The following DLGAP2 variants were observed in gnomAD, a reference collection of about 807,000 sequenced individuals.
DLGAP2 encodes the protein disks large-associated protein 2.
In DLGAP2, 26 loss-of-function variants were observed where a neutral mutation model predicts 100.3. That is an observed-to-expected ratio of 0.26 (90% CI 0.19 to 0.36). The LOEUF is 0.36. DLGAP2 is among the 10% of genes least tolerant of loss of function. The probability of loss-of-function intolerance (pLI) is 1.00; values close to 1 mark genes in which losing one functional copy is unlikely to be tolerated. For synonymous variants in DLGAP2, 886 were observed against 630.1 expected, an observed-to-expected ratio of 1.41 and a Z score of -6.08; for missense variants, 1,858 against 1,453.2, an observed-to-expected ratio of 1.28 and a Z score of -4.53.
intron 2 of DLGAP2, among the ~76,000 whole-genome samples, chr8:1,073,848 G>A (rs1803508195): frequency 6.6e-6 from 1 of 152,250 alleles, no homozygotes; most frequent in Non-Finnish European, 1.5e-5. Context: ...GAGTCCAGGG[G>A]AGTAAGTTCT....
intron 2 of DLGAP2, among the ~76,000 whole-genome samples, chr8:989,359 T>C (rs113764467): frequency 0.017 from 2,570 of 152,312 alleles, 72 homozygotes; most frequent in African/African-American, 0.059. Flanking sequence ...GGGTTTTTTA[T>C]GCCTGACACC....
intron 2 of DLGAP2, among the ~76,000 whole-genome samples, chr8:1,056,975 C>T (rs1802900249): frequency 6.6e-6 from 1 of 152,204 alleles, no homozygotes; most frequent in Non-Finnish European, 1.5e-5. Flanking sequence ...CTCGAAGAGA[C>T]AGAGACAGAC....
intron 2 of DLGAP2, among the ~76,000 whole-genome samples, chr8:1,097,043 C>T (rs188522140): frequency 2.1e-5 from 3 of 141,566 alleles, no homozygotes; most frequent in East Asian, 2.2e-4. Context: ...AGGCCTTCAC[C>T]CTATGTGGCA....
In DLGAP2 at chr8:1,267,095, G is replaced by C. The variant is rs547964032; in HGVS notation, c.106+8212G>C. On this transcript the variant is annotated intron_variant, in intron 3 of 14. Coordinates refer to ENST00000637795, the MANE Select transcript of DLGAP2 (RefSeq NM_001346810.2). ...TACAAAAACAAAATTAGCCAGGCGT[G>C]GGGGTGGGTGCCTGTAGTCCCAGCT... Among the ~76,000 whole-genome samples, 7 of 152,000 alleles carry C rather than the reference G, an allele frequency of 4.6e-5. No individual in the cohort carries two copies. In the South Asian group the frequency reaches 1.5e-3, roughly 32 times the overall value.
At chr8:1,411,183 A>G (rs1584871272) in intron 3 of DLGAP2, among the ~76,000 whole-genome samples, 1 of 152,180 alleles carries the variant, frequency 6.6e-6, no homozygotes, top group South Asian at 2.1e-4. Flanking sequence ...CTGCTTAACT[A>G]CAGAGAAATT....
chr8:1,311,794 C>T (rs565932329), intron 3 of DLGAP2, among the ~76,000 whole-genome samples: 3 of 152,132 alleles, frequency 2.0e-5, no homozygotes, highest in Admixed American at 1.3e-4. Context: ...CCAAGACATC[C>T]AGTTTCCTGT....
At chr8:1,428,412 C>G (rs183735953) in intron 3 of DLGAP2, among the ~76,000 whole-genome samples, 22 of 152,064 alleles carry the variant, frequency 1.4e-4, no homozygotes, top group African/African-American at 5.3e-4. Context: ...ATCTCTCTTT[C>G]CTTGAGAGAG....
intron 3 of DLGAP2, among the ~76,000 whole-genome samples, chr8:1,312,043 C>A (rs532246080): frequency 1.3e-5 from 2 of 152,290 alleles, no homozygotes; most frequent in Admixed American, 6.5e-5. Flanking sequence ...CTGAGTGATA[C>A]CATCAATCAA....
chr8:1,419,225 T>C (rs1797025085), intron 3 of DLGAP2, among the ~76,000 whole-genome samples: 1 of 147,736 alleles, frequency 6.8e-6, no homozygotes, highest in East Asian at 2.0e-4. Flanking sequence ...TGTGTGTGTG[T>C]GTGTGTGTAG....
chr8:1,137,553 T>A (rs1374157935), intron 2 of DLGAP2: 1 of 152,192 alleles, frequency 6.6e-6, no homozygotes, highest in Non-Finnish European at 1.5e-5. Context: ...GATGGGTGAT[T>A]CCTAAAGTTA....
intron 2 of DLGAP2, among the ~76,000 whole-genome samples, chr8:1,094,312 T>C (rs1449953397): frequency 6.6e-6 from 1 of 152,204 alleles, no homozygotes; most frequent in African/African-American, 2.4e-5. Flanking sequence ...AATTATGTTA[T>C]AAAAAATGAT....
rs961449719 is a variant in DLGAP2 at position 1,657,305 on chromosome 8, C to A, written c.1811-11024C>A. Among the ~76,000 whole-genome samples, 8 of 152,306 alleles carry A rather than the reference C, an allele frequency of 5.3e-5. No individual in the cohort carries two copies. In the South Asian group the frequency reaches 1.2e-3, roughly 24 times the overall value. ...AAATTAAATTTTGAATTTTCAAATA[C>A]ATTTAATGTTTGACATACATATAGA... On this transcript the variant is annotated intron_variant, in intron 8 of 14. Coordinates refer to ENST00000637795, the MANE Select transcript of DLGAP2 (RefSeq NM_001346810.2).
At chr8:860,294 C>G (rs1343365753) in intron 1 of DLGAP2, among the ~76,000 whole-genome samples, 1 of 152,194 alleles carries the variant, frequency 6.6e-6, no homozygotes. Flanking sequence ...AGAAAAATCT[C>G]TTTTGTGACC....
intron 3 of DLGAP2, among the ~76,000 whole-genome samples, chr8:1,380,590 A>C (rs1388605696): frequency 2.0e-5 from 3 of 152,164 alleles, no homozygotes; most frequent in Non-Finnish European, 4.4e-5. Flanking sequence ...ATTAAAGTCC[A>C]CATGAAGGAT....
chr8:1,607,300 A>G (rs1003545907), intron 6 of DLGAP2, among the ~76,000 whole-genome samples: 9 of 152,166 alleles, frequency 5.9e-5, no homozygotes, highest in African/African-American at 1.2e-4. Flanking sequence ...TTTTTCATCT[A>G]TCTTAAAATG....
intron 1 of DLGAP2, among the ~76,000 whole-genome samples, chr8:831,241 T>A (rs1402804510): frequency 1.3e-5 from 2 of 149,408 alleles, no homozygotes; most frequent in African/African-American, 4.9e-5. Context: ...TACTTTAAGT[T>A]CTAGGATGCA....
At chr8:1,423,835 C>A (rs763868009) in intron 3 of DLGAP2, among the ~76,000 whole-genome samples, 1 of 152,172 alleles carries the variant, frequency 6.6e-6, no homozygotes, top group Non-Finnish European at 1.5e-5. Flanking sequence ...CAGGTTAATC[C>A]CTCTTTCAAA....
chr8:1,229,001 T>A (rs79019626), intron 2 of DLGAP2, among the ~76,000 whole-genome samples: 44 of 152,114 alleles, frequency 2.9e-4, no homozygotes, highest in African/African-American at 8.9e-4. Context: ...TATTTGCAAG[T>A]AACATAAAGT....
chr8:1,179,291 C>G (rs563694598), intron 2 of DLGAP2, among the ~76,000 whole-genome samples: 63 of 152,250 alleles, frequency 4.1e-4, no homozygotes, highest in Non-Finnish European at 9.0e-4. Flanking sequence ...GCACTCAGCT[C>G]TCTCATTCCC....
Sources: allele counts gnomAD v4.1 joint callset (sites outside exome capture counted in the v4.1 genomes callset), GRCh38; gene constraint gnomAD v4.1.1; transcripts MANE v1.5; gene names NCBI Gene and HGNC (gene_info 2026-07-23, HGNC 2026-07-21).